The following OPRM1 variants were observed in gnomAD, a reference collection of about 807,000 sequenced individuals.
OPRM1 encodes the protein mu-type opioid receptor.
A neutral mutation model predicts 31.8 loss-of-function variants in OPRM1; 27 were observed. That is an observed-to-expected ratio of 0.85 (90% CI 0.63 to 1.17). The LOEUF is 1.17. OPRM1 is among the 50% of genes most tolerant of loss of function. The pLI, the probability that OPRM1 is intolerant of heterozygous loss-of-function variation, is 0.00. For synonymous variants in OPRM1, 196 were observed against 189.9 expected, an observed-to-expected ratio of 1.03 and a Z score of -0.26; for missense variants, 536 against 511.1, an observed-to-expected ratio of 1.05 and a Z score of -0.47.
chr6:154,246,363 C>T (rs1781043391), intron 3 of OPRM1, among the ~76,000 whole-genome samples: 1 of 152,226 alleles, frequency 6.6e-6, no homozygotes, highest in African/African-American at 2.4e-5. Flanking sequence ...TCGACACTCC[C>T]TTCCTCCCCA....
At chr6:154,184,996 T>C (rs973591935) in intron 3 of OPRM1, among the ~76,000 whole-genome samples, 1 of 152,230 alleles carries the variant, frequency 6.6e-6, no homozygotes, top group Non-Finnish European at 1.5e-5. Context: ...CCTGTCTGCA[T>C]ATAGCCCTTT....
chr6:154,023,750 A>T (rs1303800736), intron 1 of OPRM1, among the ~76,000 whole-genome samples: 1 of 152,064 alleles, frequency 6.6e-6, no homozygotes. Context: ...GAGGGTTTTT[A>T]TTATGAAGGA....
downstream of OPRM1, among the ~76,000 whole-genome samples, chr6:154,136,390 A>G (rs551814992): frequency 1.3e-5 from 2 of 152,360 alleles, no homozygotes; most frequent in East Asian, 1.9e-4. Context: ...AGAAACTCCT[A>G]TGAGAATGTG....
intron 1 of OPRM1, among the ~76,000 whole-genome samples, chr6:154,071,798 G>A (rs1300502513): frequency 2.0e-5 from 3 of 152,130 alleles, no homozygotes; most frequent in East Asian, 3.9e-4. Flanking sequence ...AAGAAGCAGT[G>A]GTTACTTAAT....
At chr6:154,183,283 T>C (rs377650320) in intron 3 of OPRM1, among the ~76,000 whole-genome samples, 2 of 152,190 alleles carry the variant, frequency 1.3e-5, no homozygotes, top group Middle Eastern at 3.2e-3. Flanking sequence ...CCAGCCACCT[T>C]TATCTTTTCA....
At chr6:154,171,115 TAAATACCCAAGAG>T (rs776772325) in intron 3 of OPRM1, among the ~76,000 whole-genome samples, 33 of 152,270 alleles carry the variant, frequency 2.2e-4, no homozygotes, top group South Asian at 1.0e-3. Flanking sequence ...CACTCCTACA[TAAATACCCAAGAG>T]AATTGAAAAC....
At chr6:154,106,099 C>T (rs962677089) in intron 3 of OPRM1, among the ~76,000 whole-genome samples, 7 of 152,102 alleles carry the variant, frequency 4.6e-5, no homozygotes, top group Non-Finnish European at 8.8e-5. Context: ...CCTTATAAAC[C>T]TTCCACAGCT....
chr6:154,193,263 C>CT (rs1244431850), intron 3 of OPRM1, among the ~76,000 whole-genome samples: 1 of 152,144 alleles, frequency 6.6e-6, no homozygotes, highest in African/African-American at 2.4e-5. Context: ...TGAAGTAACT[C>CT]AGGAATGGAA....
intron 3 of OPRM1, chr6:154,108,195 A>G: frequency 2.2e-6 from 1 of 452,894 alleles, no homozygotes; most frequent in Non-Finnish European, 4.0e-6. Context: ...AGCAAAACAC[A>G]TGTGATAAAA....
chr6:154,146,387 A>G (rs1216749023), intron 3 of OPRM1, among the ~76,000 whole-genome samples: 3 of 152,214 alleles, frequency 2.0e-5, no homozygotes, highest in Non-Finnish European at 4.4e-5. Context: ...GCAACAGAAC[A>G]AGACTCCCTC....
At chr6:154,177,415 C>T (rs1800428623) in intron 3 of OPRM1, among the ~76,000 whole-genome samples, 2 of 152,168 alleles carry the variant, frequency 1.3e-5, no homozygotes, top group African/African-American at 4.8e-5. Flanking sequence ...TATCCAGAAT[C>T]TACACAGAAC....
chr6:154,055,180 G>C (rs913617369), intron 1 of OPRM1, among the ~76,000 whole-genome samples: 2 of 152,188 alleles, frequency 1.3e-5, no homozygotes, highest in Admixed American at 6.5e-5. Flanking sequence ...TTGAGGTCAG[G>C]ACTTCAAGAC....
Position 154,207,443 on chromosome 6 carries a change from C to G in OPRM1, c.1165-39250C>G, listed in dbSNP as rs188983155. On this transcript the variant is annotated intron_variant, in intron 3 of 3. Coordinates refer to the OPRM1 transcript ENST00000337049. Reference sequence around the variant, plus strand: ...TGCAGTTCTGTTCTTTCATTTAGTACAGATATTGAATAATCAAATGACTTT... The same window carrying G: ...TGCAGTTCTGTTCTTTCATTTAGTAGAGATATTGAATAATCAAATGACTTT... 2.0e-5 allele frequency among the ~76,000 whole-genome samples: 3 copies of G among 152,216 alleles called. No homozygotes were observed. The South Asian group carries it at 6.2e-4, about 31-fold the overall frequency.
At chr6:154,016,831 G>A (rs1460094909) in intron 1 of OPRM1, among the ~76,000 whole-genome samples, 4 of 152,276 alleles carry the variant, frequency 2.6e-5, no homozygotes, top group East Asian at 3.9e-4. Context: ...AGAAAGAGAC[G>A]GAGTCTGGTG....
intron 3 of OPRM1, among the ~76,000 whole-genome samples, chr6:154,173,387 TG>T: frequency 6.6e-6 from 1 of 152,212 alleles, no homozygotes; most frequent in South Asian, 2.1e-4. Context: ...TAAAGAAGCA[TG>T]TTCTAACCCA....
intron 3 of OPRM1, among the ~76,000 whole-genome samples, chr6:154,140,302 A>C (rs1798163544): frequency 6.6e-6 from 1 of 151,938 alleles, no homozygotes; most frequent in Non-Finnish European, 1.5e-5. Flanking sequence ...CCTTAAAAAT[A>C]ATAGAAAGTT....
At position 154,057,903 on chromosome 6, in the gene OPRM1, T is replaced by G. The variant is rs9479752; in HGVS notation, c.290+18069T>G. ...TGAAACTTTCACATTTTAAAAAGTT[T>G]TGTATCAGTTTTGTGATATTTAAGA... is the stretch of plus-strand genomic sequence containing the variant. On this transcript the variant is annotated intron_variant, in intron 1 of 3. Coordinates refer to ENST00000330432, the MANE Select transcript of OPRM1 (RefSeq NM_000914.5). 7.3e-3 allele frequency among the ~76,000 whole-genome samples: 1,110 copies of G among 152,342 alleles called. 16 individuals carry two copies. Among genetic ancestry groups the G allele is most frequent in the African/African-American group, 0.025 (1,043 of 41,578 alleles).
chr6:154,040,173 C>A (rs1375895583), intron 1 of OPRM1, among the ~76,000 whole-genome samples: 1 of 151,846 alleles, frequency 6.6e-6, no homozygotes, highest in Non-Finnish European at 1.5e-5. Context: ...TTGGCAGAGT[C>A]CTACACTCAG....
chr6:154,052,734 A>C (rs1782456116), intron 1 of OPRM1, among the ~76,000 whole-genome samples: 2 of 152,196 alleles, frequency 1.3e-5, no homozygotes, highest in Admixed American at 6.5e-5. Context: ...TCTTTAGAAA[A>C]TTTGATTACA....
Sources: allele counts gnomAD v4.1 joint callset (sites outside exome capture counted in the v4.1 genomes callset), GRCh38; gene constraint gnomAD v4.1.1; transcripts MANE v1.5; gene names NCBI Gene and HGNC (gene_info 2026-07-23, HGNC 2026-07-21).